The following TOMM70 variants were observed in gnomAD, a reference collection of about 807,000 sequenced individuals.
TOMM70 encodes translocase of outer mitochondrial membrane 70.
In TOMM70, 13 loss-of-function variants were observed where a neutral mutation model predicts 73.6. The observed-to-expected ratio is 0.18, with a 90% CI of 0.11 to 0.28. The LOEUF is 0.28. TOMM70 is among the 10% of genes least tolerant of loss of function. The pLI is 1.00. For synonymous variants in TOMM70, 257 were observed against 271.2 expected (o/e 0.95, Z 0.51); for missense variants, 609 against 747.5 (o/e 0.81, Z 2.16).
intron 1 of TOMM70, among the ~76,000 whole-genome samples, chr3:100,395,926 T>C (rs1374599675): frequency 6.6e-6 from 1 of 151,754 alleles, no homozygotes; most frequent in Non-Finnish European, 1.5e-5. Flanking sequence ...CACATAGTGG[T>C]GTGCTTAGGT....
chr3:100,374,647 C>G (rs1706544049), intron 7 of TOMM70, among the ~76,000 whole-genome samples: 1 of 152,112 alleles, frequency 6.6e-6, no homozygotes, highest in Admixed American at 6.5e-5. Flanking sequence ...CAGACTATTT[C>G]CTTATAGCAA....
chr3:100,381,484 A>G, intron 5 of TOMM70, 131 bp downstream of exon 5: 1 of 444,836 alleles, frequency 2.2e-6, no homozygotes, highest in Non-Finnish European at 3.5e-6. Context: ...ATTTTTAATT[A>G]TATTTCTGTC....
chr3:100,382,519 G>A (rs1037128671), intron 4 of TOMM70, among the ~76,000 whole-genome samples: 8 of 152,128 alleles, frequency 5.3e-5, no homozygotes, highest in African/African-American at 1.9e-4. Flanking sequence ...TTTTAATTTA[G>A]GATAACAAAT....
intron 4 of TOMM70, 66 bp from the exon 5 acceptor site, chr3:100,381,829 T>C (rs1706637327): frequency 2.8e-6 from 4 of 1,436,462 alleles, no homozygotes; most frequent in Non-Finnish European, 2.8e-6. Flanking sequence ...AGGTACATTG[T>C]AGAACGCTAA....
intron 1 of TOMM70, among the ~76,000 whole-genome samples, chr3:100,393,176 CAAAA>C (rs534479540): frequency 2.3e-5 from 2 of 88,272 alleles, no homozygotes; most frequent in African/African-American, 4.2e-5. Flanking sequence ...AACTCTGTCT[CAAAA>C]AAAAAAAAAA....
In TOMM70 at chr3:100,377,699, A is replaced by G; in HGVS notation, c.1092+6T>C. The stretch of plus-strand genomic sequence containing the variant: ...ATAATTTCTTCACACACATTTTTTA[A>G]TGTACCTTCACATTAGCTTCTTTCA... On this transcript the variant is annotated splice_donor_region_variant and intron_variant, in intron 6 of 11. Transcript: ENST00000284320. The G allele has an allele frequency of 6.3e-7, 1 of 1,597,794 alleles. No homozygotes were observed. Among genetic ancestry groups the G allele is most frequent in the Non-Finnish European group, 8.6e-7 (1 of 1,167,100 alleles).
At chr3:100,382,597 T>G (rs1559832892) in intron 4 of TOMM70, among the ~76,000 whole-genome samples, 1 of 152,180 alleles carries the variant, frequency 6.6e-6, no homozygotes, top group Non-Finnish European at 1.5e-5. Context: ...CTAAAGACAC[T>G]GAGAATAAAT....
At chr3:100,373,203 A>G (rs554964592) in intron 8 of TOMM70, among the ~76,000 whole-genome samples, 1 of 151,502 alleles carries the variant, frequency 6.6e-6, no homozygotes, top group East Asian at 1.9e-4. Flanking sequence ...AAACAGTTCT[A>G]TGAAGCAGGG....
At chr3:100,376,201 G>A (rs1303239849) in intron 6 of TOMM70, among the ~76,000 whole-genome samples, 1 of 152,008 alleles carries the variant, frequency 6.6e-6, no homozygotes, top group Non-Finnish European at 1.5e-5. Flanking sequence ...GGAGAAATGT[G>A]TATTCAGATC....
chr3:100,365,448 C>A lies in TOMM70; in HGVS notation c.*116G>T. ...GAAACAGATGTAACAAATAACAACA[C>A]CACAAACAGAAATACTGATTTCCAC... On this transcript the variant is annotated 3_prime_UTR_variant, in exon 12 of 12. Transcript: ENST00000284320. 6.9e-7 allele frequency: 1 copy of A among 1,444,362 alleles called. No homozygotes were observed. The highest frequency in any genetic ancestry group is 1.9e-4 in the Middle Eastern group (1 of 5,270). The allele number at this position is 1,444,362 out of a possible 1,614,324, so 89.5% of individuals were successfully genotyped here.
chr3:100,376,012 C>T (rs1706559581), intron 6 of TOMM70, among the ~76,000 whole-genome samples: 1 of 152,186 alleles, frequency 6.6e-6, no homozygotes, highest in African/African-American at 2.4e-5. Flanking sequence ...CAATTTTCCA[C>T]ATCTTCAAAA....
chr3:100,398,056 G>A lies in TOMM70; in HGVS notation c.324+2570C>T, dbSNP rs1360637267. ...ACCAATGGTACAGATCCCCTGGGATGAGGTGGGGTGGCTGAAACCACAATG... is the reference window on the plus strand; with the variant it reads ...ACCAATGGTACAGATCCCCTGGGATAAGGTGGGGTGGCTGAAACCACAATG... On this transcript the variant is annotated intron_variant, in intron 1 of 11. Transcript: ENST00000284320. Among the ~76,000 whole-genome samples the A allele has an allele frequency of 2.0e-5, 3 of 152,164 alleles. No individual in the cohort carries two copies. The East Asian group carries it at 5.8e-4, about 29-fold the overall frequency.
intron 1 of TOMM70, among the ~76,000 whole-genome samples, chr3:100,394,125 CGT>C (rs1706793991): frequency 6.6e-6 from 1 of 152,234 alleles, no homozygotes; most frequent in South Asian, 2.1e-4. Flanking sequence ...CATTAATCTG[CGT>C]GTGAGAAAAT....
chr3:100,374,600 A>G (rs1706543286), intron 7 of TOMM70, among the ~76,000 whole-genome samples: 1 of 152,250 alleles, frequency 6.6e-6, no homozygotes, highest in Non-Finnish European at 1.5e-5. Flanking sequence ...TAAAACTTCA[A>G]AAGATAAATA....
intron 11 of TOMM70, among the ~76,000 whole-genome samples, chr3:100,366,226 C>G (rs1706446397): frequency 6.6e-6 from 1 of 152,168 alleles, no homozygotes; most frequent in Admixed American, 6.6e-5. Flanking sequence ...ATCCCCAACC[C>G]CATGCATCTC....
rs768459917 is a variant in TOMM70 at position 100,372,614 on chromosome 3, A to T, written c.1444T>A (p.Tyr482Asn). Residue 482 changes from tyrosine (Y) to asparagine (N), a missense_variant, in exon 9 of 12, where the codon TAC becomes AAC. Physicochemically the swap from Tyr to Asn is moderately radical, Grantham distance 143. Around this residue, in one of 2 missense-constraint regions of TOMM70, gnomAD observed 432 missense variants for 584.1 expected, o/e 0.74. Transcript: ENST00000284320. ...FPRCAEGYAL[Y>N]AQALTDQQQF... is the part of the protein sequence containing the mutation. ...CCTGAAAAAACATTTACCTGGGCGTATAGTGCATAGCCTTCGGCACACCTT... is the reference window on the plus strand; with the variant it reads ...CCTGAAAAAACATTTACCTGGGCGTTTAGTGCATAGCCTTCGGCACACCTT... The T allele has an allele frequency of 6.2e-7, 1 of 1,610,520 alleles. No homozygotes were observed. The highest frequency in any genetic ancestry group is 8.5e-7 in the Non-Finnish European group (1 of 1,178,356).
chr3:100,388,703 A>T (rs973748990), intron 1 of TOMM70, among the ~76,000 whole-genome samples: 1 of 152,244 alleles, frequency 6.6e-6, no homozygotes. Context: ...GTATCTGAGA[A>T]AGCAGGATAT....
In TOMM70 at chr3:100,381,749, C is replaced by G. The variant is rs761770771; in HGVS notation, c.750G>C (p.Leu250=). Residue 250 remains leucine (L), a synonymous_variant, in exon 5 of 12, where the codon CTG becomes CTC. Coordinates refer to ENST00000284320, the MANE Select transcript of TOMM70 (RefSeq NM_014820.5). ...AKEKYKNREP[L]MPSPQFIKSY... is the part of the protein sequence containing the mutation. ...ATTTGATAAACTGTGGAGATGGCAT[C>G]AGAGGTTCACGATTCTGAAATTTAG... The G allele has an allele frequency of 6.3e-7, 1 of 1,598,188 alleles. No homozygotes were observed. Among genetic ancestry groups the G allele is most frequent in the Non-Finnish European group, 8.5e-7 (1 of 1,170,856 alleles).
At chr3:100,383,971 A>G (rs1706664471) in intron 4 of TOMM70, among the ~76,000 whole-genome samples, 1 of 152,216 alleles carries the variant, frequency 6.6e-6, no homozygotes, top group Non-Finnish European at 1.5e-5. Flanking sequence ...TTTGTTTAAT[A>G]AATGATTGTT....
Sources: allele counts gnomAD v4.1 joint callset (sites outside exome capture counted in the v4.1 genomes callset), GRCh38; gene constraint gnomAD v4.1.1; regional missense constraint gnomAD v4.1.1; transcripts MANE v1.5; gene names NCBI Gene and HGNC (gene_info 2026-07-23, HGNC 2026-07-21).